The following LUZP2 variants were observed in gnomAD, a reference collection of about 807,000 sequenced individuals.
LUZP2 encodes the protein leucine zipper protein 2.
In LUZP2, 52 loss-of-function variants were observed where a neutral mutation model predicts 51.6. That is an observed-to-expected ratio of 1.01 (90% confidence interval 0.81 to 1.27). LUZP2 has a LOEUF of 1.27. Ranked by LOEUF, LUZP2 falls within the 50% of genes most tolerant of loss-of-function variation. The pLI is 0.00. For synonymous variants in LUZP2, 154 were observed against 137.3 expected, an observed-to-expected ratio of 1.12 and a Z score of -0.85; for missense variants, 436 against 395.4, an observed-to-expected ratio of 1.10 and a Z score of -0.87.
intron 5 of LUZP2, among the ~76,000 whole-genome samples, chr11:24,833,686 TC>T: frequency 7.6e-6 from 1 of 131,262 alleles, no homozygotes; most frequent in Non-Finnish European, 1.6e-5. Context: ...ACACGTCACG[TC>T]CCCCACGCCT....
At chr11:24,703,778 G>A (rs1245975948) in intron 1 of LUZP2, among the ~76,000 whole-genome samples, 1 of 151,766 alleles carries the variant, frequency 6.6e-6, no homozygotes, top group Non-Finnish European at 1.5e-5. Context: ...GCAGTGAGCC[G>A]AGATCATGCC....
At position 24,732,153 on chromosome 11, in the gene LUZP2, T is replaced by C. The variant is rs765461865; in HGVS notation, c.216T>C (p.Asp72=). The change falls in exon 3 of 12, where the codon GAT becomes GAC. Residue 72 remains aspartate, a synonymous_variant. Transcript: ENST00000336930. ...LKNDEQSAKT[D]VQKLLELGQK... Reference sequence around the variant, plus strand: ...ACGATGAGCAGTCTGCCAAAACTGATGTTCAGAAACTTCTGGAATTAGGAC... The same window carrying C: ...ACGATGAGCAGTCTGCCAAAACTGACGTTCAGAAACTTCTGGAATTAGGAC... The C allele has an allele frequency of 6.2e-7, 1 of 1,609,810 alleles. No homozygotes were observed. Among genetic ancestry groups the C allele is most frequent in the Non-Finnish European group, 8.5e-7 (1 of 1,177,366 alleles).
intron 5 of LUZP2, among the ~76,000 whole-genome samples, chr11:24,861,542 G>T (rs1050808869): frequency 5.3e-5 from 8 of 152,036 alleles, no homozygotes; most frequent in Non-Finnish European, 1.5e-5. Context: ...CCAACCCCAA[G>T]ACACATAATT....
chr11:24,857,290 C>CATATATATATATATACAT (rs34461857), intron 5 of LUZP2, among the ~76,000 whole-genome samples: 2 of 117,824 alleles, frequency 1.7e-5, no homozygotes, highest in Admixed American at 8.9e-5. Flanking sequence ...TATATATATA[C>CATATATATATATATACAT]ATATATATAT....
chr11:24,635,560 C>T (rs1855068516), intron 1 of LUZP2, among the ~76,000 whole-genome samples: 1 of 151,928 alleles, frequency 6.6e-6, no homozygotes, highest in African/African-American at 2.4e-5. Flanking sequence ...TGCTGTTTAT[C>T]CTTAAGTAAT....
intron 7 of LUZP2, among the ~76,000 whole-genome samples, chr11:24,953,421 G>A (rs142636342): frequency 2.6e-5 from 4 of 152,038 alleles, no homozygotes; most frequent in African/African-American, 9.6e-5. Context: ...ATGCTGGATT[G>A]TATCCACTGT....
At chr11:25,010,934 A>G (rs1446169549) in intron 9 of LUZP2, among the ~76,000 whole-genome samples, 2 of 152,190 alleles carry the variant, frequency 1.3e-5, no homozygotes, top group Admixed American at 1.3e-4. Flanking sequence ...CAAAGTCACA[A>G]GTACTCCCAA....
intron 1 of LUZP2, among the ~76,000 whole-genome samples, chr11:24,570,218 T>C (rs560048545): frequency 3.3e-5 from 5 of 151,342 alleles, no homozygotes; most frequent in Non-Finnish European, 7.4e-5. Context: ...ACATGGTTCA[T>C]TCAGTAACAC....
chr11:24,521,368 A>AAT (rs1564966710), intron 1 of LUZP2, among the ~76,000 whole-genome samples: 1 of 79,960 alleles, frequency 1.3e-5, no homozygotes. Context: ...AAAAAAAAAA[A>AAT]GGTGGGGGTG....
At chr11:24,624,985 T>A (rs150961210) in intron 1 of LUZP2, among the ~76,000 whole-genome samples, 1 of 151,984 alleles carries the variant, frequency 6.6e-6, no homozygotes, top group African/African-American at 2.4e-5. Flanking sequence ...GAGGGAGCAA[T>A]TGGTATGCAT....
chr11:24,960,732 GT>G (rs1855368934), intron 7 of LUZP2, among the ~76,000 whole-genome samples: 2 of 152,178 alleles, frequency 1.3e-5, no homozygotes, highest in African/African-American at 4.8e-5. Context: ...AGGGTCCTTT[GT>G]GTCTCTATTT....
At chr11:24,949,337 T>TCC in intron 7 of LUZP2, among the ~76,000 whole-genome samples, 1 of 113,980 alleles carries the variant, frequency 8.8e-6, no homozygotes, top group Non-Finnish European at 1.9e-5. Flanking sequence ...TCTATCTCTC[T>TCC]ATCTATCTAT....
chr11:24,639,028 A>T (rs1394376579), intron 1 of LUZP2, among the ~76,000 whole-genome samples: 10 of 151,822 alleles, frequency 6.6e-5, no homozygotes, highest in Non-Finnish European at 1.2e-4. Flanking sequence ...CTGTTATACT[A>T]AAAGCTCTAG....
chr11:24,772,587 G>A (rs533371027), intron 5 of LUZP2, among the ~76,000 whole-genome samples: 11 of 152,002 alleles, frequency 7.2e-5, no homozygotes, highest in African/African-American at 2.4e-4. Context: ...GGTTAATTTC[G>A]TATCCAGCAT....
intron 7 of LUZP2, among the ~76,000 whole-genome samples, chr11:24,917,220 A>G (rs1301434720): frequency 6.6e-6 from 1 of 152,092 alleles, no homozygotes; most frequent in Non-Finnish European, 1.5e-5. Context: ...TTCTTTGTAG[A>G]TTCTGAATAT....
intron 5 of LUZP2, among the ~76,000 whole-genome samples, chr11:24,854,814 A>G (rs1051759250): frequency 3.9e-5 from 6 of 152,198 alleles, no homozygotes; most frequent in African/African-American, 1.4e-4. Context: ...TGGGAAAAAC[A>G]TAATATCTGG....
intron 5 of LUZP2, among the ~76,000 whole-genome samples, chr11:24,850,196 C>T (rs558018999): frequency 6.6e-6 from 1 of 152,262 alleles, no homozygotes; most frequent in East Asian, 1.9e-4. Flanking sequence ...GAAGTCATTG[C>T]CCATGCCTAT....
intron 5 of LUZP2, among the ~76,000 whole-genome samples, chr11:24,821,198 C>G (rs902116670): frequency 3.9e-5 from 6 of 151,990 alleles, no homozygotes; most frequent in Non-Finnish European, 7.4e-5. Flanking sequence ...GGGCTATATA[C>G]CAAATGTTTA....
intron 10 of LUZP2, among the ~76,000 whole-genome samples, chr11:25,061,391 T>C (rs533728111): frequency 6.6e-6 from 1 of 152,324 alleles, no homozygotes; most frequent in East Asian, 1.9e-4. Flanking sequence ...TCTAGAGGTG[T>C]TGGTGAATAT....
Sources: gnomAD v4.1 joint callset for allele counts (sites outside exome capture counted in the v4.1 genomes callset) on GRCh38, gnomAD v4.1.1 for gene constraint, MANE v1.5 for transcripts, NCBI Gene and HGNC (gene_info 2026-07-23, HGNC 2026-07-21) for gene names.